Variants in ADAMTSL1 observed in about 807,000 individuals in gnomAD.
The protein encoded by ADAMTSL1 is ADAMTS-like protein 1.
ADAMTSL1 carries 126 observed loss-of-function variants against 201.8 expected under a neutral mutation model. The ratio of observed to expected loss-of-function variants is 0.62; its 90% CI spans 0.54 to 0.72. The LOEUF is 0.72. Among genes scored for constraint, ADAMTSL1 ranks in the 30% least tolerant of loss-of-function variants. ADAMTSL1 has a pLI of 0.00. For missense variants in ADAMTSL1, 2,679 were observed against 2,277.8 expected (o/e 1.18, Z -3.59); for synonymous variants, 1,121 against 903.4 (o/e 1.24, Z -4.32).
rs112771550 is a variant in ADAMTSL1 at position 18,499,248 on chromosome 9, G to T, written c.64-5581G>T. Among the ~76,000 whole-genome samples the T allele has an allele frequency of 9.6e-3, 1,456 of 152,232 alleles. 25 individuals carry two copies. Among genetic ancestry groups the T allele is most frequent in the African/African-American group, 0.033 (1,375 of 41,500 alleles). ...AGCAGCAAATATCATCTGGGAAGGC[G>T]CATGCCTCAGTATCCACACACTACG... On this transcript the variant is annotated intron_variant, in intron 1 of 28. Transcript: ENST00000380548.
At chr9:18,517,868 G>C (rs1430183270) in intron 2 of ADAMTSL1, among the ~76,000 whole-genome samples, 1 of 152,202 alleles carries the variant, frequency 6.6e-6, no homozygotes, top group Non-Finnish European at 1.5e-5. Context: ...GTTATAGACA[G>C]ATTTTAATCA....
chr9:18,315,412 C>G (rs549817390), intron 2 of ADAMTSL1, among the ~76,000 whole-genome samples: 229 of 152,120 alleles, frequency 1.5e-3, no homozygotes, highest in Non-Finnish European at 2.7e-3. Context: ...GAGGCTCGGG[C>G]CGTGTGGGAG....
Position 18,343,790 on chromosome 9 carries a change from G to A in ADAMTSL1, c.208-161039G>A, listed in dbSNP as rs535247668. ...TGCATTGATCTGGCTTAGGGTCCCT[G>A]GGCATTTGTGCTTAAAGAATTCCAT... On this transcript the variant is annotated intron_variant, in intron 2 of 29. Coordinates refer to the ADAMTSL1 transcript ENST00000680146. Among the ~76,000 whole-genome samples the A allele has an allele frequency of 3.9e-5, 6 of 152,156 alleles. 1 individual carries two copies. The highest frequency in any genetic ancestry group is 1.4e-4 in the African/African-American group (6 of 41,524).
rs181680327 is a variant in ADAMTSL1 at position 18,695,080 on chromosome 9, G to A, written c.1574+10280G>A. Among the ~76,000 whole-genome samples, 271 of 152,320 alleles carry A rather than the reference G, an allele frequency of 1.8e-3. 1 individual carries two copies. The highest frequency in any genetic ancestry group is 6.3e-3 in the African/African-American group (263 of 41,590). On this transcript the variant is annotated intron_variant, in intron 13 of 28. Coordinates refer to ENST00000380548, the MANE Select transcript of ADAMTSL1 (RefSeq NM_001040272.6). ...AGCCATGGCTGGAGCTGGAGCAGCT[G>A]GGACACAAGGAGCATTGTCCCAAGG...
intron 1 of ADAMTSL1, among the ~76,000 whole-genome samples, chr9:18,001,074 T>C (rs780170987): frequency 6.6e-6 from 1 of 151,820 alleles, no homozygotes; most frequent in Non-Finnish European, 1.5e-5. Context: ...AAAAAATGAA[T>C]GGGAATCAGG....
In ADAMTSL1 at chr9:18,400,512, A is replaced by G. The variant is rs150502708; in HGVS notation, c.208-104317A>G. On this transcript the variant is annotated intron_variant, in intron 2 of 29. Transcript: ENST00000680146. The stretch of plus-strand genomic sequence containing the variant: ...AATACTTGCCATTTATAGTATTGCT[A>G]TGTTTGTGCCTACAAACTCAGGAAA... Among the ~76,000 whole-genome samples, 582 of 152,292 alleles carry G rather than the reference A, an allele frequency of 3.8e-3. 4 individuals are homozygous for G. Among genetic ancestry groups the G allele is most frequent in the African/African-American group, 0.013 (551 of 41,570 alleles).
chr9:18,226,601 C>T (rs1830440186), intron 2 of ADAMTSL1, among the ~76,000 whole-genome samples: 1 of 152,078 alleles, frequency 6.6e-6, no homozygotes, highest in Non-Finnish European at 1.5e-5. Context: ...CTGATCAGAT[C>T]ACTTGCCTAC....
At chr9:18,125,966 A>C (rs1387525978) in intron 1 of ADAMTSL1, among the ~76,000 whole-genome samples, 3 of 152,140 alleles carry the variant, frequency 2.0e-5, no homozygotes, top group African/African-American at 7.2e-5. Flanking sequence ...ACCTGGGACA[A>C]ACTATTCAAT....
chr9:18,399,029 A>G (rs903394143), intron 2 of ADAMTSL1, among the ~76,000 whole-genome samples: 2 of 151,644 alleles, frequency 1.3e-5, no homozygotes, highest in African/African-American at 4.8e-5. Context: ...ACAAACACAT[A>G]CCACAGAGCC....
intron 1 of ADAMTSL1, among the ~76,000 whole-genome samples, chr9:18,144,970 T>C (rs1826568867): frequency 6.6e-6 from 1 of 152,198 alleles, no homozygotes; most frequent in African/African-American, 2.4e-5. Context: ...CTCATAAAGA[T>C]GCAAATGCAT....
chr9:18,464,212 G>C (rs1820915574), intron 2 of ADAMTSL1, among the ~76,000 whole-genome samples: 1 of 152,220 alleles, frequency 6.6e-6, no homozygotes, highest in South Asian at 2.1e-4. Flanking sequence ...TTCTGAGCCA[G>C]AGCCTCAAGC....
At chr9:18,117,444 C>G (rs1320340233) in intron 1 of ADAMTSL1, among the ~76,000 whole-genome samples, 1 of 152,120 alleles carries the variant, frequency 6.6e-6, no homozygotes, top group East Asian at 1.9e-4. Flanking sequence ...CTTGCATTAG[C>G]TGTTTCCAAG....
At chr9:18,356,781 A>T (rs898238412) in intron 2 of ADAMTSL1, among the ~76,000 whole-genome samples, 2 of 152,198 alleles carry the variant, frequency 1.3e-5, no homozygotes, top group Non-Finnish European at 2.9e-5. Flanking sequence ...GTAAATGAAG[A>T]TTTAGAACAA....
intron 2 of ADAMTSL1, among the ~76,000 whole-genome samples, chr9:18,361,869 G>A (rs939566651): frequency 2.6e-5 from 4 of 152,098 alleles, no homozygotes; most frequent in East Asian, 3.9e-4. Context: ...AATTCATCAC[G>A]CACAATTATG....
Position 18,776,898 on chromosome 9 carries a change from T to C in ADAMTSL1, c.2669T>C (p.Leu890Pro). The change falls in exon 19 of 29, where the codon CTC becomes CCC. Residue 890 changes from leucine to proline, a missense_variant. Leu to Pro is a moderately conservative substitution (Grantham distance 98). Coordinates refer to ENST00000380548, the MANE Select transcript of ADAMTSL1 (RefSeq NM_001040272.6). ...GTGGTGGGGGGCTTCGCCTACCTGC[T>C]CCCCAAGACGGCGGTGGTGCTGCGC... is the stretch of plus-strand genomic sequence containing the variant. Reference protein sequence around the residue: ...HFVVGGFAYLLPKTAVVLRCP... With the variant: ...HFVVGGFAYLPPKTAVVLRCP... 1 of 1,610,818 alleles carries C rather than the reference T, an allele frequency of 6.2e-7. No individual in the cohort carries two copies.
At chr9:18,560,284 G>A (rs527490073) in intron 3 of ADAMTSL1, among the ~76,000 whole-genome samples, 1 of 152,110 alleles carries the variant, frequency 6.6e-6, no homozygotes, top group African/African-American at 2.4e-5. Context: ...TTTTGTCATT[G>A]GTTCTGTTTA....
intron 2 of ADAMTSL1, among the ~76,000 whole-genome samples, chr9:18,518,584 A>T (rs754144698): frequency 6.6e-6 from 1 of 152,010 alleles, no homozygotes; most frequent in Non-Finnish European, 1.5e-5. Flanking sequence ...TGACTTTGCT[A>T]TTGTGAATAG....
Position 18,095,421 on chromosome 9 carries a change from T to C in ADAMTSL1, c.88-68441T>C, listed in dbSNP as rs200478705. Among the ~76,000 whole-genome samples the C allele has an allele frequency of 3.0e-3, 362 of 118,966 alleles. 1 individual carries two copies. Among genetic ancestry groups the C allele is most frequent in the African/African-American group, 0.015 (329 of 21,446 alleles). The allele number at this position is 118,966 out of a possible 152,430, so 78.0% of individuals were successfully genotyped here. On this transcript the variant is annotated intron_variant, in intron 1 of 29. Coordinates refer to the ADAMTSL1 transcript ENST00000680146. ...GATAAGTTTCTTCTTTCTTTCTTTT[T>C]TTTTTTTTTTTTTTTTTTTGACACA... is the stretch of plus-strand genomic sequence containing the variant.
rs937718206 is a variant in ADAMTSL1, at chr9:18,355,952, G to C, written c.208-148877G>C. Among the ~76,000 whole-genome samples the C allele has an allele frequency of 4.6e-5, 7 of 152,370 alleles. No individual in the cohort carries two copies. The South Asian group carries it at 1.2e-3, about 27-fold the overall frequency. The stretch of plus-strand genomic sequence containing the variant: ...GCCAGTGACGCCCTGCCTGGGCCTT[G>C]CTTGGCTGTGCTACCTGCTGCAGGA... On this transcript the variant is annotated intron_variant, in intron 2 of 29. Transcript: ENST00000680146.
Sources: allele counts gnomAD v4.1 joint callset (sites outside exome capture counted in the v4.1 genomes callset), GRCh38; gene constraint gnomAD v4.1.1; transcripts MANE v1.5; gene names NCBI Gene and HGNC (gene_info 2026-07-23, HGNC 2026-07-21).